Variants in MEGF10 observed in about 807,000 individuals in gnomAD.
MEGF10 encodes the protein multiple epidermal growth factor-like domains protein 10.
A neutral mutation model predicts 147.5 loss-of-function variants in MEGF10; 86 were observed. That is an observed-to-expected ratio of 0.58 (90% CI 0.49 to 0.70). The LOEUF (loss-of-function observed/expected upper bound fraction) is 0.70. MEGF10 is among the 30% of genes least tolerant of loss of function. MEGF10 has a pLI of 0.00. For synonymous variants in MEGF10, 478 were observed against 525.5 expected (o/e 0.91, Z 1.24); for missense variants, 1,329 against 1,487.3 (o/e 0.89, Z 1.75).
chr5:127,424,273 G>A (rs1159616560), intron 13 of MEGF10: 4 of 698,716 alleles, frequency 5.7e-6, no homozygotes, highest in East Asian at 5.4e-5. Context: ...TTTGATTATT[G>A]TAGCTTAGGA....
rs189441426 is a variant in MEGF10, at chr5:127,359,433, T to C, written c.320-10477T>C. 9.2e-5 allele frequency among the ~76,000 whole-genome samples: 14 copies of C among 152,188 alleles called. No individual in the cohort carries two copies. In the East Asian group the frequency reaches 2.7e-3, roughly 29 times the overall value. On this transcript the variant is annotated intron_variant, in intron 4 of 24. Coordinates refer to ENST00000503335, the MANE Select transcript of MEGF10 (RefSeq NM_001256545.2). Reference sequence around the variant, plus strand: ...ATTTTAAAAGGTACAATTTGATAAATATTGACATATGTACACAACCCTTAA... The same window carrying C: ...ATTTTAAAAGGTACAATTTGATAAACATTGACATATGTACACAACCCTTAA...
intron 9 of MEGF10, among the ~76,000 whole-genome samples, chr5:127,415,422 T>C (rs986594236): frequency 4.6e-5 from 7 of 152,162 alleles, no homozygotes; most frequent in African/African-American, 1.4e-4. Flanking sequence ...TATGATTTAC[T>C]CTTTAGGTGA....
intron 1 of MEGF10, among the ~76,000 whole-genome samples, chr5:127,304,316 G>C (rs2126720614): frequency 6.6e-6 from 1 of 152,242 alleles, no homozygotes; most frequent in African/African-American, 2.4e-5. Flanking sequence ...GAGGTGACCT[G>C]ACCTCAGGAC....
At chr5:127,395,690 G>A (rs555163164) in intron 5 of MEGF10, among the ~76,000 whole-genome samples, 6 of 151,654 alleles carry the variant, frequency 4.0e-5, no homozygotes, top group East Asian at 3.9e-4. Flanking sequence ...GACTACAGGC[G>A]CCCGCCACCA....
chr5:127,450,357 T>C (rs1766106931), intron 22 of MEGF10, among the ~76,000 whole-genome samples: 1 of 151,224 alleles, frequency 6.6e-6, no homozygotes, highest in South Asian at 2.1e-4. Context: ...TCTTAAAATA[T>C]ATATGTGTAT....
At chr5:127,432,584 G>A (rs897134803) in intron 13 of MEGF10, among the ~76,000 whole-genome samples, 3 of 152,296 alleles carry the variant, frequency 2.0e-5, no homozygotes, top group Admixed American at 6.5e-5. Flanking sequence ...TTTCCAATAC[G>A]AATGTACAGA....
At chr5:127,344,142 C>T (rs190367572) in intron 4 of MEGF10, among the ~76,000 whole-genome samples, 1 of 152,220 alleles carries the variant, frequency 6.6e-6, no homozygotes, top group African/African-American at 2.4e-5. Context: ...ATAAAACATG[C>T]ATTGATTGAC....
rs1362646575 is a variant in MEGF10 at position 127,340,538 on chromosome 5, A to G, written c.227A>G (p.Tyr76Cys). The change falls in exon 4 of 25, where the codon TAT (tyrosine) becomes TGT (cysteine). Residue 76 changes from tyrosine to cysteine, a missense_variant. Coordinates refer to ENST00000503335, the MANE Select transcript of MEGF10 (RefSeq NM_001256545.2). ...TTTTTCCTTCTCTATAGAGTCAGCT[A>G]TCGGACAGCCTATCGACATGGGGAG... ...WFKCTRHRVSYRTAYRHGEKT... is the reference protein window; with the variant it reads ...WFKCTRHRVSCRTAYRHGEKT... The G allele has an allele frequency of 1.9e-6, 3 of 1,612,590 alleles. No homozygotes were observed. The highest frequency in any genetic ancestry group is 1.1e-5 in the South Asian group (1 of 91,000).
the MEGF10 span, among the ~76,000 whole-genome samples, chr5:127,254,627 AT>A: frequency 6.6e-6 from 1 of 151,928 alleles, no homozygotes; most frequent in Non-Finnish European, 1.5e-5. Context: ...CCTGGCAAAC[AT>A]GGCGAAACCT....
chr5:127,240,793 C>G, the MEGF10 span, among the ~76,000 whole-genome samples: 111 of 152,140 alleles, frequency 7.3e-4, no homozygotes, highest in Non-Finnish European at 1.2e-3. Flanking sequence ...GTCAAATAAA[C>G]AAAGAATCAT....
chr5:127,335,965 CA>C (rs1761454584), intron 2 of MEGF10, among the ~76,000 whole-genome samples: 1 of 150,342 alleles, frequency 6.7e-6, no homozygotes. Flanking sequence ...AAAAGAAATT[CA>C]TGTTGAAAAG....
rs781685715 is a variant in MEGF10 at position 127,309,994 on chromosome 5, T to TTTCTTTCTTTCC, written c.-19+18941_-19+18942insTTTCTTTCCTTC. Among the ~76,000 whole-genome samples, 53 of 56,864 alleles carry TTTCTTTCTTTCC rather than the reference T, an allele frequency of 9.3e-4. 4 individuals are homozygous for TTTCTTTCTTTCC. The highest frequency in any genetic ancestry group is 1.9e-3 in the South Asian group (4 of 2,092). The allele number at this position is 56,864 out of a possible 152,430, so 37.3% of individuals were successfully genotyped here. A position where few individuals can be genotyped will look rare whatever the true frequency, so the allele number is the denominator to read the frequency against. The stretch of plus-strand genomic sequence containing the variant: ...CTTTCTTTCTTTCTTTCTTTCTTTC[T>TTTCTTTCTTTCC]TTCCTTCCTTCCTTCCTTTCTTTTT... On this transcript the variant is annotated intron_variant, in intron 1 of 24. Coordinates refer to ENST00000503335, the MANE Select transcript of MEGF10 (RefSeq NM_001256545.2).
intron 5 of MEGF10, among the ~76,000 whole-genome samples, chr5:127,391,102 GCA>G (rs70997334): frequency 0.085 from 4,575 of 53,560 alleles, 85 homozygotes; most frequent in Non-Finnish European, 0.12. Context: ...GCGCGCGCGC[GCA>G]CACACACACA....
Position 127,340,647 on chromosome 5 carries a change from C to T in MEGF10, c.319+17C>T. On this transcript the variant is annotated intron_variant, in intron 4 of 24. Coordinates refer to ENST00000503335, the MANE Select transcript of MEGF10 (RefSeq NM_001256545.2). Reference sequence around the variant, plus strand: ...TGTGTGTCCGTAAGTAAGACTGTCACCCCTTTGAGATTCGCTAGTTTTTCC... The same window carrying T: ...TGTGTGTCCGTAAGTAAGACTGTCATCCCTTTGAGATTCGCTAGTTTTTCC... The T allele has an allele frequency of 6.2e-7, 1 of 1,601,108 alleles. No individual in the cohort carries two copies. The highest frequency in any genetic ancestry group is 8.6e-7 in the Non-Finnish European group (1 of 1,168,806).
At chr5:127,370,133 C>T (rs1205304278) in intron 5 of MEGF10, 131 bp downstream of exon 5, 2 of 571,896 alleles carry the variant, frequency 3.5e-6, no homozygotes, top group Non-Finnish European at 6.2e-6. Flanking sequence ...CCACGACCAA[C>T]TCAGTCATAC....
chr5:127,414,966 G>T (rs1764702754), intron 9 of MEGF10, among the ~76,000 whole-genome samples: 2 of 152,088 alleles, frequency 1.3e-5, no homozygotes, highest in Admixed American at 1.3e-4. Context: ...TTTGAGGAAG[G>T]GATGTTTAAG....
At chr5:127,233,088 C>T in the MEGF10 span, among the ~76,000 whole-genome samples, 1 of 152,178 alleles carries the variant, frequency 6.6e-6, no homozygotes, top group Non-Finnish European at 1.5e-5. Flanking sequence ...ATTATGGTGG[C>T]CCTATTGTTG....
the MEGF10 span, among the ~76,000 whole-genome samples, chr5:127,275,435 A>G: frequency 1.3e-5 from 2 of 152,180 alleles, no homozygotes; most frequent in African/African-American, 4.8e-5. Flanking sequence ...TGCTTATCTC[A>G]TGGGACTTTG....
the MEGF10 span, among the ~76,000 whole-genome samples, chr5:127,247,781 C>A: frequency 3.9e-5 from 6 of 152,098 alleles, no homozygotes; most frequent in East Asian, 9.7e-4. Context: ...GATCATTAGT[C>A]TGATTGAGCT....
Sources: allele counts gnomAD v4.1 joint callset (sites outside exome capture counted in the v4.1 genomes callset), GRCh38; gene constraint gnomAD v4.1.1; transcripts MANE v1.5; gene names NCBI Gene and HGNC (gene_info 2026-07-23, HGNC 2026-07-21).